Variants in SUCLG2 observed in about 807,000 individuals in gnomAD.
The protein encoded by SUCLG2 is succinate-CoA ligase GDP-forming subunit beta.
A neutral mutation model predicts 47.9 loss-of-function variants in SUCLG2; 42 were observed. The observed-to-expected ratio is 0.88, with a 90% CI of 0.69 to 1.14. The LOEUF (loss-of-function observed/expected upper bound fraction) is 1.14, where lower values mean the gene tolerates loss of function less well. Among genes scored for constraint, SUCLG2 ranks in the 50% most tolerant of loss-of-function variants. The pLI is 0.00. For synonymous variants in SUCLG2, 195 were observed against 197.3 expected, an observed-to-expected ratio of 0.99 and a Z score of 0.10; for missense variants, 571 against 525.9, an observed-to-expected ratio of 1.09 and a Z score of -0.84.
At chr3:67,603,770 T>C (rs1708471822) in intron 2 of SUCLG2, among the ~76,000 whole-genome samples, 1 of 152,250 alleles carries the variant, frequency 6.6e-6, no homozygotes, top group Admixed American at 6.5e-5. Context: ...TACAAATACT[T>C]TTTTAAGACA....
Position 67,374,829 on chromosome 3 carries a change from G to GAAAAAAA in SUCLG2, c.*908_*914dup. 1.2e-6 allele frequency: 1 copy of GAAAAAAA among 851,836 alleles called. No individual in the cohort carries two copies. 52.8% of individuals were successfully genotyped at this position (851,836 alleles called of 1,614,324 possible). A position where few individuals can be genotyped will look rare whatever the true frequency, so the allele number is the denominator to read the frequency against. On this transcript the variant is annotated 3_prime_UTR_variant, in exon 11 of 11. Coordinates refer to ENST00000307227, the MANE Select transcript of SUCLG2 (RefSeq NM_003848.4). ...TCCCACAACAAAATTGGACATCATG[G>GAAAAAAA]AAAAAAAAAACACATTCAAATAAGG...
At chr3:67,366,094 T>C (rs1701871158) in intron 10 of SUCLG2, among the ~76,000 whole-genome samples, 2 of 152,160 alleles carry the variant, frequency 1.3e-5, no homozygotes, top group African/African-American at 2.4e-5. Flanking sequence ...CACTAACATA[T>C]ACATGAACAT....
At chr3:67,485,351 T>C (rs936636046) in intron 9 of SUCLG2, among the ~76,000 whole-genome samples, 8 of 152,228 alleles carry the variant, frequency 5.3e-5, no homozygotes, top group African/African-American at 1.4e-4. Flanking sequence ...TCTTATGGCT[T>C]ACTGTGAAAC....
chr3:67,506,075 A>C (rs1318534194), intron 7 of SUCLG2, among the ~76,000 whole-genome samples: 1 of 152,236 alleles, frequency 6.6e-6, no homozygotes, highest in Non-Finnish European at 1.5e-5. Context: ...TTATTAAATC[A>C]AAGTTTCAAT....
intron 1 of SUCLG2, among the ~76,000 whole-genome samples, chr3:67,649,208 C>T (rs1701243675): frequency 2.0e-5 from 3 of 152,160 alleles, no homozygotes; most frequent in South Asian, 2.1e-4. Context: ...CAGAGGCCAA[C>T]AGTATCTTAG....
chr3:67,525,088 G>C (rs562376501), intron 4 of SUCLG2, among the ~76,000 whole-genome samples: 1 of 152,186 alleles, frequency 6.6e-6, no homozygotes, highest in Admixed American at 6.5e-5. Flanking sequence ...TATACCAAAC[G>C]TATATGCTGA....
chr3:67,461,791 C>T (rs987200076), intron 9 of SUCLG2, among the ~76,000 whole-genome samples: 5 of 152,084 alleles, frequency 3.3e-5, no homozygotes, highest in Admixed American at 1.3e-4. Flanking sequence ...CAGCTGAGAA[C>T]AGCTGATCTG....
chr3:67,630,683 C>A (rs2167180), intron 1 of SUCLG2, among the ~76,000 whole-genome samples: 112,328 of 152,104 alleles, frequency 0.74, 41,766 homozygotes, highest in Middle Eastern at 0.79. Flanking sequence ...AACCTATGAC[C>A]GACATCACTA....
chr3:67,409,787 A>G (rs1702895503), intron 9 of SUCLG2, among the ~76,000 whole-genome samples: 2 of 152,164 alleles, frequency 1.3e-5, no homozygotes, highest in African/African-American at 2.4e-5. Flanking sequence ...AAATTTAAAT[A>G]TAGACTTCCA....
chr3:67,513,748 T>C (rs1705859490), intron 6 of SUCLG2, among the ~76,000 whole-genome samples: 1 of 152,196 alleles, frequency 6.6e-6, no homozygotes, highest in Non-Finnish European at 1.5e-5. Flanking sequence ...GTACAAAAAG[T>C]TTTTCTGCAC....
At chr3:67,488,901 G>C (rs28579576) in intron 9 of SUCLG2, among the ~76,000 whole-genome samples, 3,702 of 152,158 alleles carry the variant, frequency 0.024, 159 homozygotes, top group African/African-American at 0.084. Flanking sequence ...TGGGACTAAC[G>C]ACAAAATTTA....
chr3:67,383,287 C>T (rs1227805870), intron 10 of SUCLG2, among the ~76,000 whole-genome samples: 1 of 152,094 alleles, frequency 6.6e-6, no homozygotes, highest in African/African-American at 2.4e-5. Flanking sequence ...ATAGAGTTGC[C>T]CTATTTTTAT....
chr3:67,465,855 AC>A (rs1704456594), intron 9 of SUCLG2, among the ~76,000 whole-genome samples: 1 of 152,064 alleles, frequency 6.6e-6, no homozygotes, highest in South Asian at 2.1e-4. Context: ...CTAGTGTGGC[AC>A]CCAGCAATCA....
chr3:67,420,742 T>C (rs762922470), intron 9 of SUCLG2, among the ~76,000 whole-genome samples: 4 of 150,984 alleles, frequency 2.6e-5, no homozygotes, highest in South Asian at 2.1e-4. Flanking sequence ...AACAAAGGAA[T>C]AGATACACAC....
At chr3:67,389,810 T>C (rs1454277931) in intron 10 of SUCLG2, among the ~76,000 whole-genome samples, 4 of 152,190 alleles carry the variant, frequency 2.6e-5, no homozygotes, top group Admixed American at 2.0e-4. Context: ...GTAGTTTCTA[T>C]TTGACCTGAC....
At chr3:67,452,206 C>T (rs943747482) in intron 9 of SUCLG2, among the ~76,000 whole-genome samples, 1 of 152,162 alleles carries the variant, frequency 6.6e-6, no homozygotes, top group African/African-American at 2.4e-5. Flanking sequence ...ATTCTTTTCC[C>T]CAATTTTATG....
chr3:67,489,524 A>T lies in SUCLG2; in HGVS notation c.1062+6274T>A, dbSNP rs903413944. On this transcript the variant is annotated intron_variant, in intron 9 of 10. Coordinates refer to ENST00000307227, the MANE Select transcript of SUCLG2 (RefSeq NM_003848.4). ...GCTGCCTGGAATTTTAATCTTTTCC[A>T]CTCTATATGAAAAAAATACATATTT... 2.0e-5 allele frequency among the ~76,000 whole-genome samples: 3 copies of T among 152,250 alleles called. No homozygotes were observed. The East Asian group carries it at 5.8e-4, about 29-fold the overall frequency.
chr3:67,433,590 C>A (rs1268534772), intron 9 of SUCLG2, among the ~76,000 whole-genome samples: 2 of 152,104 alleles, frequency 1.3e-5, no homozygotes, highest in African/African-American at 4.8e-5. Context: ...TTTCTTCCTG[C>A]AGAGAACTGC....
chr3:67,625,023 C>G (rs185012964), intron 1 of SUCLG2, among the ~76,000 whole-genome samples: 292 of 152,306 alleles, frequency 1.9e-3, no homozygotes, highest in Non-Finnish European at 2.8e-3. Flanking sequence ...CTCTTAAAAT[C>G]AGAGGAGCCG....
Sources: allele counts gnomAD v4.1 joint callset (sites outside exome capture counted in the v4.1 genomes callset), GRCh38; gene constraint gnomAD v4.1.1; transcripts MANE v1.5; gene names NCBI Gene and HGNC (gene_info 2026-07-23, HGNC 2026-07-21).